HDAC9: variants seen among roughly 807,000 people sequenced by gnomAD.
HDAC9 encodes histone deacetylase 9, also known as MEF-2 interacting transcription repressor (MITR) protein.
HDAC9 carries 41 observed loss-of-function variants against 139.4 expected under a neutral mutation model. The observed-to-expected ratio is 0.29, with a 90% CI of 0.23 to 0.38. The LOEUF (loss-of-function observed/expected upper bound fraction) is 0.38. Among genes scored for constraint, HDAC9 ranks in the 10% least tolerant of loss-of-function variants. The probability of loss-of-function intolerance (pLI) is 1.00; values close to 1 mark genes in which losing one functional copy is unlikely to be tolerated. For missense variants in HDAC9, 1,147 were observed against 1,297.0 expected (o/e 0.88, Z 1.78); for synonymous variants, 517 against 476.2 (o/e 1.09, Z -1.12).
At chr7:18,539,415 C>T (rs780338719) in intron 2 of HDAC9, among the ~76,000 whole-genome samples, 1 of 152,192 alleles carries the variant, frequency 6.6e-6, no homozygotes, top group African/African-American at 2.4e-5. Flanking sequence ...TCAGAGGAGA[C>T]AGCAAGTAAA....
chr7:18,565,775 T>G (rs74513347), intron 2 of HDAC9, among the ~76,000 whole-genome samples: 2,109 of 152,100 alleles, frequency 0.014, 20 homozygotes, highest in Non-Finnish European at 0.022. Flanking sequence ...TTGCAAGTAA[T>G]GAAATCTTTT....
intron 21 of HDAC9, among the ~76,000 whole-genome samples, chr7:18,854,320 A>G (rs1157469424): frequency 6.6e-6 from 1 of 152,172 alleles, no homozygotes; most frequent in Admixed American, 6.6e-5. Context: ...GCCAGGTGAT[A>G]TATCATTTAC....
At chr7:18,380,392 CAAATT>C (rs1389696114) in intron 1 of HDAC9, among the ~76,000 whole-genome samples, 2 of 152,094 alleles carry the variant, frequency 1.3e-5, no homozygotes, top group Non-Finnish European at 2.9e-5. Context: ...CAAAGAGTGT[CAAATT>C]AAATTGTATT....
chr7:18,811,147 G>A (rs1585079431), intron 17 of HDAC9, among the ~76,000 whole-genome samples: 1 of 151,694 alleles, frequency 6.6e-6, no homozygotes, highest in Middle Eastern at 3.4e-3. Flanking sequence ...CATTTTATTT[G>A]CCTTATCAGT....
At chr7:18,708,711 G>A (rs555535410) in intron 12 of HDAC9, among the ~76,000 whole-genome samples, 2 of 152,080 alleles carry the variant, frequency 1.3e-5, no homozygotes, top group Non-Finnish European at 2.9e-5. Flanking sequence ...AATATTGGAC[G>A]GCAAGATTCT....
chr7:18,469,490 AT>A lies in HDAC9; in HGVS notation c.-41-26768del, dbSNP rs202192909. Among the ~76,000 whole-genome samples the A allele has an allele frequency of 4.0e-4, 61 of 152,296 alleles. 1 individual carries two copies. The East Asian group carries it at 0.01, about 26-fold the overall frequency. ...TCACATTAACGAGAAAAAAAAGCAC[AT>A]TTTAAATGGTGACACATCTAACAGG... is the stretch of plus-strand genomic sequence containing the variant. On this transcript the variant is annotated intron_variant, in intron 1 of 3. Transcript: ENST00000413509.
intron 17 of HDAC9, among the ~76,000 whole-genome samples, chr7:18,824,990 A>G (rs1795304540): frequency 6.6e-6 from 1 of 152,270 alleles, no homozygotes; most frequent in African/African-American, 2.4e-5. Flanking sequence ...GCCATTAAAG[A>G]GAACTCATTG....
chr7:18,840,616 G>C (rs1409455359), intron 21 of HDAC9, among the ~76,000 whole-genome samples: 1 of 151,934 alleles, frequency 6.6e-6, no homozygotes, highest in Non-Finnish European at 1.5e-5. Context: ...AAATATTTTG[G>C]ACATATCATT....
chr7:18,838,976 T>A (rs1380344327), intron 21 of HDAC9, among the ~76,000 whole-genome samples: 1 of 152,044 alleles, frequency 6.6e-6, no homozygotes, highest in African/African-American at 2.4e-5. Flanking sequence ...TCACATTTAC[T>A]GTAAGCTTTA....
intron 1 of HDAC9, among the ~76,000 whole-genome samples, chr7:18,400,267 G>A (rs906306489): frequency 3.3e-5 from 5 of 152,290 alleles, no homozygotes; most frequent in East Asian, 1.9e-4. Flanking sequence ...AAAAGCATGC[G>A]ATGTGTAGGT....
intron 2 of HDAC9, among the ~76,000 whole-genome samples, chr7:18,279,267 G>T (rs1796942060): frequency 1.3e-5 from 2 of 152,102 alleles, no homozygotes; most frequent in Admixed American, 6.5e-5. Context: ...CTCACAGCCT[G>T]CCTGGCTTTT....
rs369456688 is a variant in HDAC9 at position 18,144,372 on chromosome 7, C to T, written c.-96-17857C>T. On this transcript the variant is annotated intron_variant, in intron 1 of 12. Transcript: ENST00000417496. ...TCTTCTGGTCCACCAAATCAGAAAC[C>T]TTCGGGGTTATCTTGGACTTCCCCT... 4.6e-5 allele frequency among the ~76,000 whole-genome samples: 7 copies of T among 152,224 alleles called. No individual in the cohort carries two copies. The South Asian group carries it at 1.0e-3, about 23-fold the overall frequency.
intron 21 of HDAC9, among the ~76,000 whole-genome samples, chr7:18,838,806 A>G (rs991209858): frequency 2.0e-5 from 3 of 151,950 alleles, no homozygotes; most frequent in Non-Finnish European, 4.4e-5. Context: ...TCTTACAAGT[A>G]TCTTTTGAAG....
chr7:18,545,389 A>G (rs576650495), intron 2 of HDAC9, among the ~76,000 whole-genome samples: 2 of 152,246 alleles, frequency 1.3e-5, no homozygotes, highest in East Asian at 1.9e-4. Flanking sequence ...GCAGTTTCCA[A>G]TCTGACTTCA....
At chr7:18,244,928 A>ATATATC (rs1356011194) in intron 2 of HDAC9, among the ~76,000 whole-genome samples, 1 of 152,060 alleles carries the variant, frequency 6.6e-6, no homozygotes, top group African/African-American at 2.4e-5. Context: ...CCTTCCTGAT[A>ATATATC]TATATCTATA....
intron 2 of HDAC9, among the ~76,000 whole-genome samples, chr7:18,232,128 C>G (rs573239995): frequency 6.6e-6 from 1 of 152,092 alleles, no homozygotes; most frequent in Non-Finnish European, 1.5e-5. Context: ...CTCTAGTGAT[C>G]TTCTGTATGG....
At chr7:18,886,127 G>T (rs1304607964) in intron 22 of HDAC9, among the ~76,000 whole-genome samples, 4 of 152,152 alleles carry the variant, frequency 2.6e-5, no homozygotes, top group African/African-American at 9.7e-5. Flanking sequence ...ACAATCAAAA[G>T]ATTTATTCAA....
chr7:18,734,218 T>C (rs1360027786), intron 13 of HDAC9, among the ~76,000 whole-genome samples: 1 of 152,160 alleles, frequency 6.6e-6, no homozygotes, highest in African/African-American at 2.4e-5. Context: ...TATATTATAG[T>C]GATGTGTGAT....
chr7:18,628,000 C>T (rs1362488615), intron 6 of HDAC9, among the ~76,000 whole-genome samples: 3 of 151,898 alleles, frequency 2.0e-5, no homozygotes, highest in Admixed American at 6.6e-5. Context: ...ACTAAAACAA[C>T]AAAAAAAGTG....
Sources: gnomAD v4.1 joint callset for allele counts (sites outside exome capture counted in the v4.1 genomes callset) on GRCh38, gnomAD v4.1.1 for gene constraint, MANE v1.5 for transcripts, NCBI Gene and HGNC (gene_info 2026-07-23, HGNC 2026-07-21) for gene names.